VEPH1: variants seen among roughly 807,000 people sequenced by gnomAD.
VEPH1 encodes the protein ventricular zone-expressed PH domain-containing protein homolog 1.
Under a neutral mutation model 85.2 loss-of-function variants are expected in VEPH1, and 80 were observed. The ratio of observed to expected loss-of-function variants is 0.94; its 90% CI spans 0.78 to 1.13. VEPH1 has a LOEUF of 1.13. VEPH1 is among the 50% of genes most tolerant of loss of function. The probability of loss-of-function intolerance (pLI) is 0.00; values close to 1 mark genes in which losing one functional copy is unlikely to be tolerated. For synonymous variants in VEPH1, 297 were observed against 348.0 expected (o/e 0.85, Z 1.63); for missense variants, 955 against 980.5 (o/e 0.97, Z 0.35).
intron 9 of VEPH1, among the ~76,000 whole-genome samples, chr3:157,327,024 C>T (rs1721980380): frequency 1.3e-5 from 2 of 152,132 alleles, no homozygotes; most frequent in Non-Finnish European, 2.9e-5. Flanking sequence ...TGTGGCTCTG[C>T]ACAGTAGACT....
At chr3:157,487,440 A>C (rs988757) in intron 2 of VEPH1, among the ~76,000 whole-genome samples, 48,524 of 151,924 alleles carry the variant, frequency 0.32, 7,897 homozygotes, top group East Asian at 0.4. Flanking sequence ...TTAAAAATCT[A>C]TTAAAATACA....
intron 12 of VEPH1, among the ~76,000 whole-genome samples, chr3:157,275,213 T>C (rs1216008446): frequency 6.6e-6 from 1 of 152,180 alleles, no homozygotes; most frequent in Non-Finnish European, 1.5e-5. Flanking sequence ...GATATTTGAA[T>C]TTCTAGATAC....
chr3:157,314,357 A>AAAAAAAAAAAT, intron 10 of VEPH1, among the ~76,000 whole-genome samples: 1 of 148,176 alleles, frequency 6.7e-6, no homozygotes, highest in Non-Finnish European at 1.5e-5. Context: ...AAAAAAAAAA[A>AAAAAAAAAAAT]AAAAAATTAA....
At chr3:157,324,802 G>A (rs550096600) in intron 9 of VEPH1, among the ~76,000 whole-genome samples, 118 of 152,148 alleles carry the variant, frequency 7.8e-4, no homozygotes, top group African/African-American at 2.7e-3. Flanking sequence ...GAACATACAC[G>A]TGCATGTATA....
In VEPH1 at chr3:157,456,516, A is replaced by C. The variant is rs571442665; in HGVS notation, c.529+3665T>G. ...TTTTATAGTTTTGGGTTTTACATTT[A>C]AGTATTTAATCCATCTTGAGTTAAT... On this transcript the variant is annotated intron_variant, in intron 4 of 13. Transcript: ENST00000362010. Among the ~76,000 whole-genome samples, 11 of 152,302 alleles carry C rather than the reference A, an allele frequency of 7.2e-5. No homozygotes were observed. In the South Asian group the frequency reaches 2.3e-3, roughly 32 times the overall value.
chr3:157,345,261 T>G (rs1461730503), intron 9 of VEPH1, among the ~76,000 whole-genome samples: 2 of 151,586 alleles, frequency 1.3e-5, no homozygotes, highest in Admixed American at 1.3e-4. Context: ...TGGGAGAAAA[T>G]TTTTGCAATC....
chr3:157,408,915 G>T (rs761861815), intron 6 of VEPH1, among the ~76,000 whole-genome samples: 1 of 152,108 alleles, frequency 6.6e-6, no homozygotes, highest in Admixed American at 6.6e-5. Context: ...AGGAAGCTGG[G>T]GCCATGCCAA....
At chr3:157,385,328 A>T (rs912823852) in intron 6 of VEPH1, among the ~76,000 whole-genome samples, 1 of 151,824 alleles carries the variant, frequency 6.6e-6, no homozygotes, top group Non-Finnish European at 1.5e-5. Flanking sequence ...ACTATTTTTA[A>T]TTTAGTTATA....
At chr3:157,310,145 G>A (rs745881368) in intron 11 of VEPH1, among the ~76,000 whole-genome samples, 2 of 152,142 alleles carry the variant, frequency 1.3e-5, no homozygotes, top group African/African-American at 2.4e-5. Flanking sequence ...TTTGGAAAAC[G>A]TTTCTGGTAA....
At chr3:157,493,971 G>A (rs1192384300) in intron 2 of VEPH1, among the ~76,000 whole-genome samples, 1 of 152,146 alleles carries the variant, frequency 6.6e-6, no homozygotes, top group African/African-American at 2.4e-5. Flanking sequence ...CTGAAAACAG[G>A]ACAAAAATCT....
At chr3:157,464,036 G>T (rs1736136201) in intron 3 of VEPH1, among the ~76,000 whole-genome samples, 2 of 152,166 alleles carry the variant, frequency 1.3e-5, no homozygotes, top group African/African-American at 4.8e-5. Flanking sequence ...ACAACATTGA[G>T]CATCCTCTTT....
chr3:157,302,689 T>C (rs1478820111), intron 11 of VEPH1, among the ~76,000 whole-genome samples: 1 of 152,162 alleles, frequency 6.6e-6, no homozygotes, highest in Non-Finnish European at 1.5e-5. Flanking sequence ...GCAGCCCAAA[T>C]GGACAAAGAA....
In VEPH1 at chr3:157,362,021, T is replaced by A. The variant is rs187835330; in HGVS notation, c.1735+1343A>T. On this transcript the variant is annotated intron_variant, in intron 9 of 13. Transcript: ENST00000362010. Reference sequence around the variant, plus strand: ...TCACTTAAAATTTTACTGAGTTTTTTAATTTTTTTATTTTTTTTTTGGGTG... The same window carrying A: ...TCACTTAAAATTTTACTGAGTTTTTAAATTTTTTTATTTTTTTTTTGGGTG... 2.8e-4 allele frequency among the ~76,000 whole-genome samples: 42 copies of A among 152,242 alleles called. No individual in the cohort carries two copies. In the South Asian group the frequency reaches 3.3e-3, roughly 12 times the overall value.
chr3:157,487,182 T>C (rs1477656264), intron 2 of VEPH1, among the ~76,000 whole-genome samples: 1 of 151,992 alleles, frequency 6.6e-6, no homozygotes, highest in Non-Finnish European at 1.5e-5. Context: ...AAGAAATTAA[T>C]AAGATTTTGA....
chr3:157,277,686 A>C (rs1715569990), intron 12 of VEPH1, among the ~76,000 whole-genome samples: 1 of 152,222 alleles, frequency 6.6e-6, no homozygotes, highest in African/African-American at 2.4e-5. Flanking sequence ...TATGAAACAC[A>C]CACATGTATA....
chr3:157,478,696 A>G (rs1307545348), intron 2 of VEPH1, among the ~76,000 whole-genome samples: 2 of 152,204 alleles, frequency 1.3e-5, no homozygotes, highest in East Asian at 1.9e-4. Flanking sequence ...GTTGAACATA[A>G]GGCAAATATC....
chr3:157,271,582 A>T (rs1714554150), intron 12 of VEPH1, among the ~76,000 whole-genome samples: 1 of 152,170 alleles, frequency 6.6e-6, no homozygotes, highest in African/African-American at 2.4e-5. Flanking sequence ...GGAATAGAGG[A>T]CACTGTCGAC....
At chr3:157,268,239 G>T (rs981544699) in intron 12 of VEPH1, among the ~76,000 whole-genome samples, 1 of 152,038 alleles carries the variant, frequency 6.6e-6, no homozygotes, top group Non-Finnish European at 1.5e-5. Context: ...CTCCCCACTG[G>T]GTTATGCGTT....
intron 2 of VEPH1, among the ~76,000 whole-genome samples, chr3:157,488,365 C>G (rs1738853277): frequency 6.6e-6 from 1 of 152,114 alleles, no homozygotes; most frequent in Admixed American, 6.6e-5. Flanking sequence ...TGTGTCTGAA[C>G]CTCAGTCAAT....
Sources: allele counts gnomAD v4.1 joint callset (sites outside exome capture counted in the v4.1 genomes callset), GRCh38; gene constraint gnomAD v4.1.1; transcripts MANE v1.5; gene names NCBI Gene and HGNC (gene_info 2026-07-23, HGNC 2026-07-21).